The following TENM3 variants were observed in gnomAD, a reference collection of about 807,000 sequenced individuals.
TENM3 encodes teneurin-3.
A neutral mutation model predicts 255.1 loss-of-function variants in TENM3; 63 were observed. The observed-to-expected ratio is 0.25, with a 90% CI of 0.20 to 0.30. TENM3 has a LOEUF of 0.30. TENM3 is among the 10% of genes least tolerant of loss of function. TENM3 has a pLI of 1.00. For synonymous variants in TENM3, 1,306 were observed against 1,322.3 expected, an observed-to-expected ratio of 0.99 and a Z score of 0.27; for missense variants, 2,929 against 3,461.1, an observed-to-expected ratio of 0.85 and a Z score of 3.86.
intron 2 of TENM3, among the ~76,000 whole-genome samples, chr4:182,336,359 A>C (rs1764137940): frequency 6.6e-6 from 1 of 150,412 alleles, no homozygotes. Context: ...CAAAAAAAAA[A>C]AGCAATTCAT....
chr4:182,105,703 C>T, the TENM3 span, among the ~76,000 whole-genome samples: 1 of 152,180 alleles, frequency 6.6e-6, no homozygotes, highest in East Asian at 1.9e-4. Flanking sequence ...GCTAAGCTCA[C>T]CCAAGCCTCA....
chr4:181,592,664 T>G, the TENM3 span, among the ~76,000 whole-genome samples: 2 of 121,258 alleles, frequency 1.6e-5, no homozygotes, highest in African/African-American at 2.7e-5. Context: ...AAATCTCTCT[T>G]TTTTTTTTTT....
At chr4:182,221,940 G>A (rs905210602) in intron 1 of TENM3, among the ~76,000 whole-genome samples, 11 of 152,180 alleles carry the variant, frequency 7.2e-5, no homozygotes, top group South Asian at 2.1e-4. Flanking sequence ...TTAAAAAAAA[G>A]CATCTTGAGT....
intron 22 of TENM3, among the ~76,000 whole-genome samples, chr4:182,767,691 G>C (rs910959018): frequency 6.6e-6 from 1 of 152,146 alleles, no homozygotes; most frequent in Non-Finnish European, 1.5e-5. Flanking sequence ...AGAAAGATGG[G>C]TTAATTAAGT....
At chr4:181,766,212 C>G in the TENM3 span, among the ~76,000 whole-genome samples, 1 of 152,132 alleles carries the variant, frequency 6.6e-6, no homozygotes, top group African/African-American at 2.4e-5. Flanking sequence ...CAACTGGGAT[C>G]CAAGTCTCTC....
chr4:181,597,256 A>G, the TENM3 span, among the ~76,000 whole-genome samples: 1 of 152,212 alleles, frequency 6.6e-6, no homozygotes, highest in Admixed American at 6.5e-5. Flanking sequence ...CAGTCTTACT[A>G]TTTAGTGATT....
At chr4:182,136,985 C>A in the TENM3 span, among the ~76,000 whole-genome samples, 1 of 151,290 alleles carries the variant, frequency 6.6e-6, no homozygotes, top group Non-Finnish European at 1.5e-5. Context: ...TCCCCCCCCA[C>A]CCAATACAAC....
At chr4:182,129,375 G>T in the TENM3 span, among the ~76,000 whole-genome samples, 1 of 152,152 alleles carries the variant, frequency 6.6e-6, no homozygotes, top group South Asian at 2.1e-4. Context: ...AATCTGTGTT[G>T]TCAAATATGA....
chr4:182,357,156 T>C (rs530528283), intron 3 of TENM3, among the ~76,000 whole-genome samples: 1 of 152,266 alleles, frequency 6.6e-6, no homozygotes, highest in South Asian at 2.1e-4. Context: ...TTTGCTATTG[T>C]GAACAGTGCC....
intron 1 of TENM3, among the ~76,000 whole-genome samples, chr4:182,289,123 T>G (rs9637686): frequency 0.25 from 37,297 of 152,136 alleles, 5,549 homozygotes; most frequent in African/African-American, 0.42. Flanking sequence ...CCAGCTACTC[T>G]GGAGGCTGAC....
chr4:182,779,460 G>T (rs1764991516), intron 24 of TENM3, among the ~76,000 whole-genome samples: 1 of 152,142 alleles, frequency 6.6e-6, no homozygotes, highest in Non-Finnish European at 1.5e-5. Flanking sequence ...GTCTATCGTT[G>T]TTGGACATTT....
chr4:181,570,880 G>A, the TENM3 span, among the ~76,000 whole-genome samples: 15 of 152,320 alleles, frequency 9.8e-5, no homozygotes, highest in African/African-American at 3.6e-4. Context: ...TCAAGCCTCC[G>A]TGAAGTTCTG....
At chr4:182,677,493 A>G (rs759901624) in intron 7 of TENM3, among the ~76,000 whole-genome samples, 16 of 152,322 alleles carry the variant, frequency 1.1e-4, no homozygotes, top group Non-Finnish European at 2.1e-4. Context: ...TTGCCATGCA[A>G]ATGTGTAAAT....
chr4:181,499,827 T>A, the TENM3 span, among the ~76,000 whole-genome samples: 2 of 152,178 alleles, frequency 1.3e-5, no homozygotes, highest in Non-Finnish European at 2.9e-5. Context: ...ATACTTGGGA[T>A]AAAAGAGATA....
chr4:181,734,976 A>T, the TENM3 span, among the ~76,000 whole-genome samples: 1 of 152,206 alleles, frequency 6.6e-6, no homozygotes, highest in African/African-American at 2.4e-5. Flanking sequence ...TCTTTAAAAG[A>T]AAATCATTTA....
At chr4:181,783,131 T>A in the TENM3 span, among the ~76,000 whole-genome samples, 42 of 152,338 alleles carry the variant, frequency 2.8e-4, no homozygotes, top group Non-Finnish European at 5.6e-4. Flanking sequence ...TAGATGTCTA[T>A]TAGGTCTGCT....
the TENM3 span, among the ~76,000 whole-genome samples, chr4:182,031,818 T>G: frequency 6.6e-6 from 1 of 152,214 alleles, no homozygotes; most frequent in African/African-American, 2.4e-5. Flanking sequence ...GTAGCAATTG[T>G]GCATAGGAGT....
the TENM3 span, among the ~76,000 whole-genome samples, chr4:181,985,355 A>G: frequency 1.3e-5 from 2 of 151,836 alleles, no homozygotes; most frequent in South Asian, 2.1e-4. Context: ...AAATCTCAGG[A>G]CACATATTTT....
chr4:182,764,290 A>T (rs189674957), intron 22 of TENM3, among the ~76,000 whole-genome samples: 3 of 152,336 alleles, frequency 2.0e-5, no homozygotes, highest in Non-Finnish European at 4.4e-5. Flanking sequence ...GTGCTCATTC[A>T]TTCAGTAAGA....
Sources: allele counts gnomAD v4.1 joint callset (sites outside exome capture counted in the v4.1 genomes callset), GRCh38; gene constraint gnomAD v4.1.1; transcripts MANE v1.5; gene names NCBI Gene and HGNC (gene_info 2026-07-23, HGNC 2026-07-21).